The following IFT172 variants were observed in gnomAD, a reference collection of about 807,000 sequenced individuals.
The protein encoded by IFT172 is intraflagellar transport 172.
Under a neutral mutation model 248.9 loss-of-function variants are expected in IFT172, and 164 were observed. The observed-to-expected ratio is 0.66, with a 90% CI of 0.58 to 0.75. The LOEUF is 0.75. Ranked by LOEUF, IFT172 falls within the 30% of genes least tolerant of loss-of-function variation. The probability of loss-of-function intolerance (pLI) is 0.00; values close to 1 mark genes in which losing one functional copy is unlikely to be tolerated. For missense variants in IFT172, 1,950 were observed against 2,192.4 expected (o/e 0.89, Z 2.21); for synonymous variants, 729 against 791.6 (o/e 0.92, Z 1.33).
At chr2:27,468,265 C>T (rs1667272433) in intron 16 of IFT172, among the ~76,000 whole-genome samples, 1 of 151,476 alleles carries the variant, frequency 6.6e-6, no homozygotes, top group African/African-American at 2.4e-5. Flanking sequence ...CAGAGTCTTA[C>T]TCTGTCGTTC....
At chr2:27,484,678 C>T (rs1668623514) in intron 3 of IFT172, among the ~76,000 whole-genome samples, 1 of 152,130 alleles carries the variant, frequency 6.6e-6, no homozygotes, top group South Asian at 2.1e-4. Flanking sequence ...GATTTCTTCC[C>T]TGGCCCAGTA....
chr2:27,476,607 T>G, intron 14 of IFT172, 34 bp downstream of exon 14: 1 of 1,292,750 alleles, frequency 7.7e-7, no homozygotes. Flanking sequence ...AAACATCTAT[T>G]TTGTTATTAA....
intron 3 of IFT172, among the ~76,000 whole-genome samples, chr2:27,484,524 G>T (rs1558416915): frequency 6.6e-6 from 1 of 152,112 alleles, no homozygotes; most frequent in Admixed American, 6.6e-5. Flanking sequence ...CTGGGAGGAG[G>T]AGCTTGCAGT....
At position 27,454,911 on chromosome 2, in the gene IFT172, C is replaced by T. The variant is rs6734392; in HGVS notation, c.3372-251G>A. Reference sequence around the variant, plus strand: ...CCTATGCCTTCCCTGAGGCCAGCTGCTCCTGAGGAATTAGTTTGGGCCTGC... The same window carrying T: ...CCTATGCCTTCCCTGAGGCCAGCTGTTCCTGAGGAATTAGTTTGGGCCTGC... On this transcript the variant is annotated intron_variant, in intron 30 of 47. Transcript: ENST00000260570. The surrounding 1 kb of genome is among the most constrained non-coding windows in gnomAD (Gnocchi z 4.2). 0.081 allele frequency among the ~76,000 whole-genome samples: 12,357 copies of T among 152,218 alleles called. 717 individuals are homozygous for T. Among genetic ancestry groups the T allele is most frequent in the African/African-American group, 0.16 (6,689 of 41,528 alleles).
chr2:27,447,711 C>A, intron 41 of IFT172, 77 bp from the exon 42 acceptor site: 2 of 1,609,500 alleles, frequency 1.2e-6, no homozygotes. Flanking sequence ...CTGATAGCCA[C>A]CTGGCAGAGG....
chr2:27,444,977 C>A, intron 47 of IFT172, 37 bp downstream of exon 47: 1 of 1,601,626 alleles, frequency 6.2e-7, no homozygotes, highest in Admixed American at 1.7e-5. Flanking sequence ...TTAGTGCTGC[C>A]CTCTCTGCCT....
In IFT172 at chr2:27,483,350, C is replaced by A. The variant is rs770113267; in HGVS notation, c.509G>T (p.Gly170Val). Reference protein sequence around the residue: ...TNCSGKGILSGHADGTIVRYF... With the variant: ...TNCSGKGILSVHADGTIVRYF... ...CCTAACGATGGTACCATCTGCATGACCAGAGAGAATTCCTTTCCCAGAGCA... is the reference window on the plus strand; with the variant it reads ...CCTAACGATGGTACCATCTGCATGAACAGAGAGAATTCCTTTCCCAGAGCA... Residue 170 changes from glycine to valine, a missense_variant, in exon 7 of 48, where the codon GGT (glycine) becomes GTT (valine). This residue lies in a region of IFT172 where 1,166 missense variants were observed against 1,254.1 expected (regional missense o/e 0.93). Transcript: ENST00000260570. 3.1e-6 allele frequency: 5 copies of A among 1,607,298 alleles called. No homozygotes were observed. The highest frequency in any genetic ancestry group is 1.3e-5 in the African/African-American group (1 of 74,852).
At chr2:27,458,350 C>T (rs1666344540) in intron 26 of IFT172, 127 bp from the exon 27 acceptor site, 2 of 749,500 alleles carry the variant, frequency 2.7e-6, no homozygotes, top group South Asian at 3.1e-5. Context: ...TATTGCCACT[C>T]TACTAGTGAG....
At chr2:27,489,014 G>A (rs1044177753) in intron 1 of IFT172, among the ~76,000 whole-genome samples, 2 of 152,252 alleles carry the variant, frequency 1.3e-5, no homozygotes, top group African/African-American at 4.8e-5. Flanking sequence ...TCCAGCCTGG[G>A]CAACAGAGCA....
At chr2:27,468,632 G>A (rs1667305072) in intron 16 of IFT172, among the ~76,000 whole-genome samples, 1 of 151,564 alleles carries the variant, frequency 6.6e-6, no homozygotes, top group African/African-American at 2.4e-5. Context: ...GGCAGATCAC[G>A]AGGTCAGGAG....
chr2:27,459,873 G>A, intron 23 of IFT172, 44 bp from the exon 24 acceptor site: 1 of 1,601,948 alleles, frequency 6.2e-7, no homozygotes, highest in Non-Finnish European at 8.5e-7. Flanking sequence ...TTCCAGGGAT[G>A]GGCCTCAGGA....
chr2:27,479,027 C>T (rs1553335621), intron 10 of IFT172, among the ~76,000 whole-genome samples: 2 of 152,014 alleles, frequency 1.3e-5, no homozygotes, highest in Non-Finnish European at 2.9e-5. Context: ...TTTTTTGAGA[C>T]AGAGTCTTGC....
rs1016593407 is a variant in IFT172, at chr2:27,447,587, C to T, written c.4587G>A (p.Glu1529=). 4.3e-6 allele frequency: 7 copies of T among 1,614,162 alleles called. No homozygotes were observed. The South Asian group carries it at 7.7e-5, about 18-fold the overall frequency. Residue 1529 remains glutamate, a synonymous_variant, in exon 42 of 48, where the codon GAG becomes GAA. Transcript: ENST00000260570. ...CGATCAGCAGCATCGTCTTGAACTC[C>T]TCATGGGCTGGAGAGTTTGCCTCAC... ...KSSEANSPAH[E]EFKTMLLIAH... is the part of the protein sequence containing the mutation.
chr2:27,458,266 C>A, intron 26 of IFT172, 43 bp from the exon 27 acceptor site: 1 of 1,520,792 alleles, frequency 6.6e-7, no homozygotes, highest in Non-Finnish European at 9.1e-7. Flanking sequence ...TCCAATTCCC[C>A]AGGGAAGCAG....
intron 35 of IFT172, among the ~76,000 whole-genome samples, chr2:27,450,884 G>A (rs79940233): frequency 2.6e-5 from 4 of 151,644 alleles, no homozygotes; most frequent in South Asian, 2.1e-4. Context: ...GTACCACTGC[G>A]CCCAGATGAA....
chr2:27,456,822 A>G (rs1666201308), intron 29 of IFT172, among the ~76,000 whole-genome samples, 169 bp from the exon 30 acceptor site: 1 of 152,164 alleles, frequency 6.6e-6, no homozygotes, highest in South Asian at 2.1e-4. Flanking sequence ...AGGCAAGAGG[A>G]TAACTTGAGG....
chr2:27,470,309 G>C (rs760832122), intron 16 of IFT172, among the ~76,000 whole-genome samples: 1 of 150,262 alleles, frequency 6.7e-6, no homozygotes, highest in African/African-American at 2.5e-5. Context: ...AAGAGAGAAG[G>C]AGAGAAAGAG....
At chr2:27,471,199 C>G (rs889545740) in intron 15 of IFT172, 104 bp from the exon 16 acceptor site, 1 of 1,109,482 alleles carries the variant, frequency 9.0e-7, no homozygotes, top group Non-Finnish European at 1.3e-6. Context: ...TAACCCACCA[C>G]TCAGGTTCAT....
chr2:27,450,967 A>ATTT (rs1665622901), intron 35 of IFT172, among the ~76,000 whole-genome samples: 1 of 89,896 alleles, frequency 1.1e-5, no homozygotes. Context: ...TTTTTTTTTT[A>ATTT]CTCTTTTTAA....
Sources: allele counts gnomAD v4.1 joint callset (sites outside exome capture counted in the v4.1 genomes callset), GRCh38; gene constraint gnomAD v4.1.1; regional missense constraint gnomAD v4.1.1; non-coding constraint Gnocchi (gnomAD v3.1); transcripts MANE v1.5; gene names NCBI Gene and HGNC (gene_info 2026-07-23, HGNC 2026-07-21).